GRIA4: variants seen among roughly 807,000 people sequenced by gnomAD.
GRIA4 encodes glutamate ionotropic receptor AMPA type subunit 4, also known as glutamate receptor 4.
Under a neutral mutation model 104.0 loss-of-function variants are expected in GRIA4, and 34 were observed. The ratio of observed to expected loss-of-function variants is 0.33; its 90% CI spans 0.25 to 0.44. The LOEUF (loss-of-function observed/expected upper bound fraction) is 0.44, where lower values mean the gene tolerates loss of function less well. GRIA4 is among the 20% of genes least tolerant of loss of function. The probability of loss-of-function intolerance (pLI) is 1.00; values close to 1 mark genes in which losing one functional copy is unlikely to be tolerated. For missense variants in GRIA4, 750 were observed against 1,096.5 expected, an observed-to-expected ratio of 0.68 and a Z score of 4.46; for synonymous variants, 386 against 381.9, an observed-to-expected ratio of 1.01 and a Z score of -0.13.
intron 13 of GRIA4, among the ~76,000 whole-genome samples, chr11:105,930,222 G>T (rs1947833980): frequency 6.6e-6 from 1 of 152,006 alleles, no homozygotes. Context: ...CACAGATAAG[G>T]CACAGGGCTA....
chr11:105,817,792 T>C (rs1321053432), intron 4 of GRIA4, among the ~76,000 whole-genome samples: 1 of 152,156 alleles, frequency 6.6e-6, no homozygotes. Flanking sequence ...GGAAGATATT[T>C]CTAGTAGTGA....
At chr11:105,871,980 A>T (rs1020810423) in intron 5 of GRIA4, among the ~76,000 whole-genome samples, 1 of 152,110 alleles carries the variant, frequency 6.6e-6, no homozygotes, top group Non-Finnish European at 1.5e-5. Context: ...ATAAAGTCAG[A>T]AATGTATGTG....
chr11:105,907,692 T>C (rs985904618), intron 9 of GRIA4, among the ~76,000 whole-genome samples: 3 of 152,198 alleles, frequency 2.0e-5, no homozygotes, highest in African/African-American at 4.8e-5. Context: ...AAATCTTTAA[T>C]TGTAAAAATT....
At chr11:105,719,343 A>T (rs757241309) in intron 3 of GRIA4, among the ~76,000 whole-genome samples, 1 of 152,072 alleles carries the variant, frequency 6.6e-6, no homozygotes, top group African/African-American at 2.4e-5. Context: ...GCGGCTGGCT[A>T]TGTTTTGGGA....
chr11:105,726,869 T>C (rs1292770041), intron 3 of GRIA4, among the ~76,000 whole-genome samples: 1 of 150,648 alleles, frequency 6.6e-6, no homozygotes, highest in African/African-American at 2.4e-5. Context: ...AAGCAAAAAC[T>C]CCATCCAAAG....
intron 13 of GRIA4, among the ~76,000 whole-genome samples, chr11:105,928,095 C>A (rs903322762): frequency 6.6e-6 from 1 of 151,888 alleles, no homozygotes. Context: ...ACTCCTTAGG[C>A]CAGCTTTAAC....
chr11:105,669,196 T>C (rs1161949773), intron 3 of GRIA4, among the ~76,000 whole-genome samples: 2 of 152,004 alleles, frequency 1.3e-5, no homozygotes, highest in South Asian at 2.1e-4. Context: ...ACTTCTGTCC[T>C]AATTTAGACC....
intron 4 of GRIA4, among the ~76,000 whole-genome samples, chr11:105,812,543 ATAG>A (rs1418099874): frequency 6.6e-6 from 1 of 152,144 alleles, no homozygotes. Context: ...TGAAATAGTA[ATAG>A]TAGTGACTTA....
At chr11:105,755,855 C>T (rs1349539801) in intron 4 of GRIA4, among the ~76,000 whole-genome samples, 1 of 152,126 alleles carries the variant, frequency 6.6e-6, no homozygotes, top group Non-Finnish European at 1.5e-5. Flanking sequence ...TCTTGATTCT[C>T]AGGCCTCTGG....
Position 105,905,196 on chromosome 11 carries a change from G to C in GRIA4, c.1054-1G>C. 6.4e-7 allele frequency: 1 copy of C among 1,567,908 alleles called. No individual in the cohort carries two copies. Among genetic ancestry groups the C allele is most frequent in the Non-Finnish European group, 8.8e-7 (1 of 1,138,424 alleles). The stretch of plus-strand genomic sequence containing the variant: ...CACGTGTGGTTTTCTTTTTCACTTA[G>C]GTTCGAATTCAAGGGCTGACAGGGA... On this transcript the variant is annotated splice_acceptor_variant, in intron 8 of 16. Coordinates refer to ENST00000282499, the MANE Select transcript of GRIA4 (RefSeq NM_000829.4). LOFTEE classifies it high-confidence loss of function.
chr11:105,657,667 G>A (rs1364677532), intron 3 of GRIA4, among the ~76,000 whole-genome samples: 1 of 151,894 alleles, frequency 6.6e-6, no homozygotes, highest in Non-Finnish European at 1.5e-5. Flanking sequence ...TGGAAAATCA[G>A]ATTAGATGTG....
At chr11:105,977,979 G>A (rs191441980) in intron 16 of GRIA4, among the ~76,000 whole-genome samples, 2 of 152,150 alleles carry the variant, frequency 1.3e-5, no homozygotes, top group Non-Finnish European at 2.9e-5. Context: ...CACTGGTGCA[G>A]TGAAATTCAA....
intron 3 of GRIA4, among the ~76,000 whole-genome samples, chr11:105,621,965 T>C (rs1030579828): frequency 1.3e-5 from 2 of 151,750 alleles, no homozygotes; most frequent in Non-Finnish European, 2.9e-5. Context: ...AAGACAATTT[T>C]ATTTATCAGA....
intron 7 of GRIA4, among the ~76,000 whole-genome samples, chr11:105,902,274 A>G (rs1009255727): frequency 1.4e-4 from 21 of 151,470 alleles, no homozygotes; most frequent in Admixed American, 1.2e-3. Flanking sequence ...TCTTCCCTGT[A>G]ATGGTGGTTG....
At chr11:105,900,102 T>A (rs1298276557) in intron 7 of GRIA4, among the ~76,000 whole-genome samples, 1 of 152,150 alleles carries the variant, frequency 6.6e-6, no homozygotes, top group African/African-American at 2.4e-5. Flanking sequence ...TGTGTTGGGT[T>A]ACTCAAATTT....
At position 105,752,835 on chromosome 11, in the gene GRIA4, C is replaced by T. The variant is rs535020407; in HGVS notation, c.248-146C>T. On this transcript the variant is annotated intron_variant, in intron 3 of 16. Transcript: ENST00000282499. ...TTAATTGATTGTGCAATTAATTGCACACTTCACTTATACTCTTTATCTTAT... is the reference window on the plus strand; with the variant it reads ...TTAATTGATTGTGCAATTAATTGCATACTTCACTTATACTCTTTATCTTAT... 29 of 700,814 alleles carry T rather than the reference C, an allele frequency of 4.1e-5. No homozygotes were observed. The South Asian group carries it at 5.5e-4, about 13-fold the overall frequency. The allele number at this position is 700,814 out of a possible 1,614,324, so 43.4% of individuals were successfully genotyped here. A position where few individuals can be genotyped will look rare whatever the true frequency, so the allele number is the denominator to read the frequency against.
Position 105,924,759 on chromosome 11 carries a change from A to T in GRIA4, c.1837A>T (p.Ile613Phe). ...TGCTTTTATGCAGCAAGGATGTGACATTTCACCCAGGTTAGTTTCAAATCT... is the reference window on the plus strand; with the variant it reads ...TGCTTTTATGCAGCAAGGATGTGACTTTTCACCCAGGTTAGTTTCAAATCT... ...LGAFMQQGCD[I>F]SPRSLSGRIV... The change falls in exon 12 of 17, where the codon ATT (isoleucine) becomes TTT (phenylalanine). Residue 613 changes from isoleucine (I) to phenylalanine (F), a missense_variant. Ile to Phe is a conservative substitution (Grantham distance 21). Around this residue, in one of 3 missense-constraint regions of GRIA4, gnomAD observed 272 missense variants for 524.5 expected, o/e 0.52. Transcript: ENST00000282499. The T allele has an allele frequency of 6.2e-7, 1 of 1,602,156 alleles. No homozygotes were observed. Among genetic ancestry groups the T allele is most frequent in the Non-Finnish European group, 8.5e-7 (1 of 1,174,118 alleles).
At chr11:105,619,887 G>C (rs776335579) in intron 3 of GRIA4, among the ~76,000 whole-genome samples, 3 of 151,682 alleles carry the variant, frequency 2.0e-5, no homozygotes, top group Non-Finnish European at 4.4e-5. Context: ...AAACTAACCA[G>C]GAATTTTTTT....
At chr11:105,737,065 A>G (rs1393095514) in intron 3 of GRIA4, among the ~76,000 whole-genome samples, 1 of 152,130 alleles carries the variant, frequency 6.6e-6, no homozygotes, top group South Asian at 2.1e-4. Context: ...TAATATTCTA[A>G]TAACAGAATG....
Sources: allele counts gnomAD v4.1 joint callset (sites outside exome capture counted in the v4.1 genomes callset), GRCh38; gene constraint gnomAD v4.1.1; regional missense constraint gnomAD v4.1.1; transcripts MANE v1.5; gene names NCBI Gene and HGNC (gene_info 2026-07-23, HGNC 2026-07-21).